PLCH2: variants seen among roughly 807,000 people sequenced by gnomAD.
PLCH2 encodes 1-phosphatidylinositol 4,5-bisphosphate phosphodiesterase eta-2.
Under a neutral mutation model 134.7 loss-of-function variants are expected in PLCH2, and 98 were observed. That is an observed-to-expected ratio of 0.73 (90% confidence interval 0.62 to 0.86). The LOEUF is 0.86. Ranked by LOEUF, PLCH2 falls within the 40% of genes least tolerant of loss-of-function variation. PLCH2 has a pLI of 0.00. For missense variants in PLCH2, 1,994 were observed against 1,986.6 expected (o/e 1.00, Z -0.07); for synonymous variants, 974 against 827.5 (o/e 1.18, Z -3.04).
chr1:2,441,116 C>G (rs1366110793), intron 2 of PLCH2, among the ~76,000 whole-genome samples: 1 of 152,162 alleles, frequency 6.6e-6, no homozygotes, highest in East Asian at 1.9e-4. Context: ...GCACCTGGCT[C>G]CAGGTGGTCT....
Position 2,498,510 on chromosome 1 carries a change from G to A in PLCH2, c.2225-13G>A, listed in dbSNP as rs746305877. ...GGGCTGGGCCACTGACCACCTCCCC[G>A]GCATCCCCTCAGGCGTGTTCAACCC... On this transcript the variant is annotated splice_polypyrimidine_tract_variant and intron_variant, in intron 16 of 21. Transcript: ENST00000378486. This position sits in a 1 kb window ranked among gnomAD's most constrained non-coding sequence, Gnocchi z 5.4. 6.9e-6 allele frequency: 11 copies of A among 1,602,402 alleles called. No individual in the cohort carries two copies. Among genetic ancestry groups the A allele is most frequent in the East Asian group, 2.2e-5 (1 of 44,608 alleles).
chr1:2,432,354 G>A (rs1005993805), intron 2 of PLCH2, among the ~76,000 whole-genome samples: 5 of 152,176 alleles, frequency 3.3e-5, no homozygotes, highest in East Asian at 3.9e-4. Context: ...ACAGCAGGGG[G>A]CCCAGGTTGG....
At chr1:2,483,053 C>A (rs966689457) in intron 4 of PLCH2, among the ~76,000 whole-genome samples, 2 of 152,172 alleles carry the variant, frequency 1.3e-5, no homozygotes, top group Non-Finnish European at 2.9e-5. Context: ...GGAAGAGGAC[C>A]CAGCGGGGCT....
Position 2,452,854 on chromosome 1 carries a change from C to T in PLCH2, c.115+22225C>T, listed in dbSNP as rs558700116. 2.6e-5 allele frequency among the ~76,000 whole-genome samples: 4 copies of T among 152,360 alleles called. No homozygotes were observed. The East Asian group carries it at 7.7e-4, about 29-fold the overall frequency. On this transcript the variant is annotated intron_variant, in intron 2 of 3. Transcript: ENST00000609981. ...CAGCAAGTACACAACAAAGGCAGTG[C>T]CTTTGTTGCCCGGAGCTCAGCAGAG...
At chr1:2,420,469 G>A in the PLCH2 span, among the ~76,000 whole-genome samples, 1 of 152,198 alleles carries the variant, frequency 6.6e-6, no homozygotes, top group Non-Finnish European at 1.5e-5. Context: ...GGGGCTGAAC[G>A]GTTATGTCCC....
In PLCH2 at chr1:2,439,011, G is replaced by C. The variant is rs114935698; in HGVS notation, c.115+8382G>C. Among the ~76,000 whole-genome samples, 3,502 of 152,326 alleles carry C rather than the reference G, an allele frequency of 0.023. 131 individuals are homozygous for C. The highest frequency in any genetic ancestry group is 0.08 in the African/African-American group (3,312 of 41,570). ...ACATGGGTGGCTCCAGGTAGAAGTG[G>C]CTTTGACTACGCCCTCCCAGCCCTG... is the stretch of plus-strand genomic sequence containing the variant. On this transcript the variant is annotated intron_variant, in intron 2 of 3. Transcript: ENST00000609981. The surrounding 1 kb of genome is among the most constrained non-coding windows in gnomAD (Gnocchi z 4.7).
Position 2,476,618 on chromosome 1 carries a change from C to T in PLCH2, c.30C>T (p.Ser10=), listed in dbSNP as rs1374599578. The T allele has an allele frequency of 4.4e-6, 7 of 1,593,752 alleles. No individual in the cohort carries two copies. The highest frequency in any genetic ancestry group is 6.0e-6 in the Non-Finnish European group (7 of 1,172,226). The change falls in exon 1 of 22, where the codon AGC becomes AGT. Residue 10 remains serine, a synonymous_variant. Transcript: ENST00000378486. The stretch of plus-strand genomic sequence containing the variant: ...CTGGTCCATGGCCCTCCCCCGACAG[C>T]CGGACCAAGGGAACGGTGGCCTGGC... MSGPWPSPD[S]RTKGTVAWLA...
rs1300219461 is a variant in PLCH2, at chr1:2,505,375, A to G, written c.*162A>G. 3 of 611,020 alleles carry G rather than the reference A, an allele frequency of 4.9e-6. No homozygotes were observed. The highest frequency in any genetic ancestry group is 8.4e-6 in the Non-Finnish European group (3 of 356,374). The allele number at this position is 611,020 out of a possible 1,614,324, so 37.8% of individuals were successfully genotyped here. A position where few individuals can be genotyped will look rare whatever the true frequency, so the allele number is the denominator to read the frequency against. ...CCTCCTGCCCCTGCTCCCGGGGAGG[A>G]AAGGCTAAAGCTGCTGGCCCGGGGC... On this transcript the variant is annotated 3_prime_UTR_variant, in exon 22 of 22. Transcript: ENST00000378486.
chr1:2,447,328 C>T (rs545184015), intron 2 of PLCH2, among the ~76,000 whole-genome samples: 2 of 152,306 alleles, frequency 1.3e-5, no homozygotes, highest in South Asian at 4.1e-4. Context: ...AGCTCCTTCT[C>T]CCGGATCGCT....
At chr1:2,480,447 TGGCTGC>T in intron 4 of PLCH2, 135 bp downstream of exon 4, 1 of 1,025,854 alleles carries the variant, frequency 9.7e-7, no homozygotes, top group Non-Finnish European at 1.4e-6. Flanking sequence ...ACAGAGTAGC[TGGCTGC>T]TGAGGATGGG....
At chr1:2,434,170 T>A (rs1260508504) in intron 2 of PLCH2, among the ~76,000 whole-genome samples, 2 of 152,248 alleles carry the variant, frequency 1.3e-5, no homozygotes, top group Non-Finnish European at 2.9e-5. Context: ...AGCTTCTTAC[T>A]GAGCAACCAA....
intron 21 of PLCH2, 118 bp from the exon 22 acceptor site, chr1:2,503,804 C>T (rs1201604966): frequency 2.4e-5 from 15 of 614,972 alleles, no homozygotes; most frequent in East Asian, 5.5e-5. Flanking sequence ...TGGCGACCCT[C>T]GGCACAGGGC....
chr1:2,483,934 T>C (rs185459535), intron 4 of PLCH2, among the ~76,000 whole-genome samples: 300 of 20,394 alleles, frequency 0.015, 90 homozygotes, highest in East Asian at 0.024. Flanking sequence ...GGGCGCTGAC[T>C]CCCGTGTGGG....
At chr1:2,420,813 T>C in the PLCH2 span, among the ~76,000 whole-genome samples, 1 of 152,318 alleles carries the variant, frequency 6.6e-6, no homozygotes, top group South Asian at 2.1e-4. Context: ...TCAGTATCTC[T>C]TCCCCCTTGG....
At chr1:2,422,534 A>G (rs1638571680), upstream of PLCH2, among the ~76,000 whole-genome samples, 1 of 152,174 alleles carries the variant, frequency 6.6e-6, no homozygotes, top group South Asian at 2.1e-4. Context: ...CTCTGATGGT[A>G]CACCCGGACT....
At chr1:2,433,968 G>A (rs898242804) in intron 2 of PLCH2, among the ~76,000 whole-genome samples, 1 of 142,116 alleles carries the variant, frequency 7.0e-6, no homozygotes, top group Non-Finnish European at 1.6e-5. Flanking sequence ...ATGCTCCGAA[G>A]GGCAGCAGTG....
upstream of PLCH2, among the ~76,000 whole-genome samples, chr1:2,472,260 C>T (rs996913796): frequency 2.6e-5 from 4 of 152,174 alleles, no homozygotes; most frequent in South Asian, 2.1e-4. Context: ...TGTGTGGGCC[C>T]GGCCCTCCCT....
chr1:2,449,963 C>T (rs962971629), intron 2 of PLCH2, among the ~76,000 whole-genome samples: 5 of 152,208 alleles, frequency 3.3e-5, no homozygotes, highest in African/African-American at 4.8e-5. Context: ...AGGCTGGCCT[C>T]GGACTGGGCT....
rs936235711 is a variant in PLCH2 at position 2,444,329 on chromosome 1, C to G, written c.115+13700C>G. 1.3e-5 allele frequency among the ~76,000 whole-genome samples: 2 copies of G among 152,236 alleles called. No individual in the cohort carries two copies. Among genetic ancestry groups the G allele is most frequent in the African/African-American group, 2.4e-5 (1 of 41,460 alleles). The stretch of plus-strand genomic sequence containing the variant: ...CACCCCGATCCCTGCCGGATGGTGC[C>G]GCAGGGCACCCTGTGTGGGTCCGGG... On this transcript the variant is annotated intron_variant, in intron 2 of 3. Coordinates refer to the PLCH2 transcript ENST00000609981. The surrounding 1 kb of genome is among the most constrained non-coding windows in gnomAD (Gnocchi z 4.6).
Sources: allele counts gnomAD v4.1 joint callset (sites outside exome capture counted in the v4.1 genomes callset), GRCh38; gene constraint gnomAD v4.1.1; non-coding constraint Gnocchi (gnomAD v3.1); transcripts MANE v1.5; gene names NCBI Gene and HGNC (gene_info 2026-07-23, HGNC 2026-07-21).